Variants in SGCZ observed in about 807,000 individuals in gnomAD.
SGCZ encodes the protein zeta-sarcoglycan.
Under a neutral mutation model 41.3 loss-of-function variants are expected in SGCZ, and 40 were observed. The ratio of observed to expected loss-of-function variants is 0.97; its 90% confidence interval spans 0.75 to 1.26. The LOEUF is 1.26. Among genes scored for constraint, SGCZ ranks in the 50% most tolerant of loss-of-function variants. SGCZ has a pLI of 0.00. For missense variants in SGCZ, 552 were observed against 369.8 expected (o/e 1.49, Z -4.04); for synonymous variants, 206 against 137.5 (o/e 1.50, Z -3.49).
At chr8:14,282,151 C>G (rs1364561441) in intron 3 of SGCZ, among the ~76,000 whole-genome samples, 1 of 151,714 alleles carries the variant, frequency 6.6e-6, no homozygotes, top group Non-Finnish European at 1.5e-5. Context: ...TCAAAGAAAA[C>G]TTTTTATGAC....
At chr8:14,886,199 T>G (rs1363258505) in intron 1 of SGCZ, among the ~76,000 whole-genome samples, 5 of 151,580 alleles carry the variant, frequency 3.3e-5, no homozygotes, top group Non-Finnish European at 4.4e-5. Flanking sequence ...TCACAACTGT[T>G]CTTAGCATAC....
intron 2 of SGCZ, among the ~76,000 whole-genome samples, chr8:14,547,049 G>T (rs1803652400): frequency 6.6e-6 from 1 of 151,928 alleles, no homozygotes. Context: ...CCTAATATGG[G>T]CTCTCTGGCA....
Position 14,691,856 on chromosome 8 carries a change from T to A in SGCZ, c.40-136930A>T, listed in dbSNP as rs1194878784. On this transcript the variant is annotated intron_variant, in intron 1 of 7. Coordinates refer to ENST00000382080, the MANE Select transcript of SGCZ (RefSeq NM_139167.4). ...AAACAACACAAAAATGTCACCCTAATACATAATTTTATAACTGTTTTGTGA... is the reference window on the plus strand; with the variant it reads ...AAACAACACAAAAATGTCACCCTAAAACATAATTTTATAACTGTTTTGTGA... Among the ~76,000 whole-genome samples, 3 of 152,018 alleles carry A rather than the reference T, an allele frequency of 2.0e-5. No homozygotes were observed. In the East Asian group the frequency reaches 5.8e-4, roughly 29 times the overall value.
At chr8:14,973,072 A>T (rs1400749469) in intron 1 of SGCZ, among the ~76,000 whole-genome samples, 1 of 152,204 alleles carries the variant, frequency 6.6e-6, no homozygotes, top group East Asian at 1.9e-4. Context: ...TACTCTTAAC[A>T]TTCTCAAACT....
At chr8:14,477,774 T>A (rs1250287404) in intron 2 of SGCZ, among the ~76,000 whole-genome samples, 1 of 152,234 alleles carries the variant, frequency 6.6e-6, no homozygotes, top group African/African-American at 2.4e-5. Flanking sequence ...GTAGGAAATG[T>A]GTCTGAAAAA....
chr8:14,221,791 G>T (rs1186652488), intron 4 of SGCZ, among the ~76,000 whole-genome samples: 2 of 152,038 alleles, frequency 1.3e-5, no homozygotes, highest in Non-Finnish European at 2.9e-5. Context: ...TAAAAAATTA[G>T]CTGGGTGTGA....
chr8:14,896,104 A>G lies in SGCZ; in HGVS notation c.40-341178T>C, dbSNP rs564399223. 2.0e-5 allele frequency among the ~76,000 whole-genome samples: 3 copies of G among 152,366 alleles called. No homozygotes were observed. In the South Asian group the frequency reaches 6.2e-4, roughly 32 times the overall value. ...TCATTAAAATCAACTAGTTTTCTGC[A>G]TTCCCAAAAATAGAAAGTGAAGAAA... On this transcript the variant is annotated intron_variant, in intron 1 of 7. Transcript: ENST00000382080.
At chr8:14,301,386 C>A (rs1450791242) in intron 3 of SGCZ, among the ~76,000 whole-genome samples, 1 of 151,322 alleles carries the variant, frequency 6.6e-6, no homozygotes, top group East Asian at 1.9e-4. Context: ...AAAAAACAAA[C>A]AATTGTTGAA....
intron 3 of SGCZ, among the ~76,000 whole-genome samples, chr8:14,272,476 A>C (rs1001192957): frequency 2.6e-5 from 4 of 152,264 alleles, no homozygotes; most frequent in African/African-American, 9.6e-5. Flanking sequence ...AGCACTTGGA[A>C]ATTTTTGTGG....
At chr8:14,345,731 G>A (rs1585389451) in intron 2 of SGCZ, among the ~76,000 whole-genome samples, 1 of 152,176 alleles carries the variant, frequency 6.6e-6, no homozygotes, top group East Asian at 1.9e-4. Flanking sequence ...TAATCTACTA[G>A]GCATTCCAAA....
intron 1 of SGCZ, among the ~76,000 whole-genome samples, chr8:14,838,495 G>T (rs1443110878): frequency 6.6e-6 from 1 of 152,102 alleles, no homozygotes; most frequent in Non-Finnish European, 1.5e-5. Flanking sequence ...CATCCCAGGA[G>T]CAGGTACCAT....
At chr8:15,213,874 T>C (rs962559461) in intron 1 of SGCZ, among the ~76,000 whole-genome samples, 2 of 152,036 alleles carry the variant, frequency 1.3e-5, no homozygotes, top group Non-Finnish European at 1.5e-5. Flanking sequence ...TTTCTCTTTT[T>C]AAAAAACCAC....
intron 1 of SGCZ, among the ~76,000 whole-genome samples, chr8:14,930,163 A>G (rs2130804482): frequency 6.6e-6 from 1 of 152,190 alleles, no homozygotes; most frequent in East Asian, 1.9e-4. Flanking sequence ...CAACCCCATC[A>G]AAAAGTGGGC....
intron 1 of SGCZ, among the ~76,000 whole-genome samples, chr8:15,031,902 C>CCTCTCT (rs751690018): frequency 0.34 from 44,249 of 130,056 alleles, 7,907 homozygotes; most frequent in Admixed American, 0.44. Flanking sequence ...CCTCTATATT[C>CCTCTCT]CTCTCTCTCT....
chr8:14,783,079 G>T (rs559302490), intron 1 of SGCZ, among the ~76,000 whole-genome samples: 2 of 152,190 alleles, frequency 1.3e-5, no homozygotes, highest in South Asian at 4.1e-4. Context: ...ATGAGATTTG[G>T]GGGCTTCTAA....
chr8:14,736,700 C>G lies in SGCZ; in HGVS notation c.40-181774G>C, dbSNP rs1347009759. 3.9e-5 allele frequency among the ~76,000 whole-genome samples: 6 copies of G among 152,170 alleles called. No homozygotes were observed. The East Asian group carries it at 1.2e-3, about 30-fold the overall frequency. On this transcript the variant is annotated intron_variant, in intron 1 of 7. Coordinates refer to ENST00000382080, the MANE Select transcript of SGCZ (RefSeq NM_139167.4). ...GCCTTTGTGTCCTCATAGCTTAGCT[C>G]CCACATATCAGTGAGAATATACGAT...
intron 1 of SGCZ, among the ~76,000 whole-genome samples, chr8:15,186,060 A>G (rs559564848): frequency 6.8e-6 from 1 of 146,718 alleles, no homozygotes; most frequent in South Asian, 2.2e-4. Context: ...CGTCTTTACT[A>G]AAAATAAAAA....
chr8:14,531,234 C>A (rs1803120965), intron 2 of SGCZ, among the ~76,000 whole-genome samples: 1 of 150,598 alleles, frequency 6.6e-6, no homozygotes, highest in South Asian at 2.1e-4. Flanking sequence ...CCATTCTAAG[C>A]CCATAAAAAC....
At chr8:14,694,913 A>C (rs555100771) in intron 1 of SGCZ, among the ~76,000 whole-genome samples, 1 of 152,336 alleles carries the variant, frequency 6.6e-6, no homozygotes, top group South Asian at 2.1e-4. Context: ...ATTTAAATTC[A>C]AAATGCAATG....
Sources: gnomAD v4.1 joint callset for allele counts (sites outside exome capture counted in the v4.1 genomes callset) on GRCh38, gnomAD v4.1.1 for gene constraint, MANE v1.5 for transcripts, NCBI Gene and HGNC (gene_info 2026-07-23, HGNC 2026-07-21) for gene names.